Variants in ANK3 observed in about 807,000 individuals in gnomAD.
ANK3 encodes the protein ankyrin-3.
ANK3 carries 57 observed loss-of-function variants against 370.9 expected under a neutral mutation model. That is an observed-to-expected ratio of 0.15 (90% confidence interval 0.12 to 0.19). ANK3 has a LOEUF of 0.19. Ranked by LOEUF, ANK3 falls within the 10% of genes least tolerant of loss-of-function variation. The pLI is 1.00. For synonymous variants in ANK3, 1,929 were observed against 1,946.3 expected (o/e 0.99, Z 0.23); for missense variants, 4,439 against 5,302.1 (o/e 0.84, Z 5.06).
intron 2 of ANK3, among the ~76,000 whole-genome samples, chr10:60,472,437 T>C (rs2065241532): frequency 6.6e-6 from 1 of 152,196 alleles, no homozygotes; most frequent in African/African-American, 2.4e-5. Flanking sequence ...TTAGGAGAAT[T>C]CAGGGGCATC....
intron 2 of ANK3, among the ~76,000 whole-genome samples, chr10:60,417,726 C>G (rs2063697842): frequency 6.6e-6 from 1 of 152,016 alleles, no homozygotes; most frequent in Non-Finnish European, 1.5e-5. Flanking sequence ...CAATTAGGAC[C>G]AACAGAAATA....
intron 17 of ANK3, among the ~76,000 whole-genome samples, chr10:60,185,383 G>T (rs2096297793): frequency 6.6e-6 from 1 of 152,064 alleles, no homozygotes; most frequent in Non-Finnish European, 1.5e-5. Flanking sequence ...TTTTCTCAGT[G>T]TATCCTCAAA....
chr10:60,583,040 G>A (rs571739354), intron 2 of ANK3, among the ~76,000 whole-genome samples: 1 of 152,300 alleles, frequency 6.6e-6, no homozygotes, highest in South Asian at 2.1e-4. Flanking sequence ...AAATCAATAT[G>A]TTGAAGAGAT....
intron 1 of ANK3, among the ~76,000 whole-genome samples, chr10:60,355,918 G>A (rs1594392697): frequency 6.6e-6 from 1 of 152,176 alleles, no homozygotes; most frequent in Non-Finnish European, 1.5e-5. Flanking sequence ...TGCCAAAAAG[G>A]ACAGGGCAGA....
At chr10:60,269,236 T>C (rs189106372) in intron 5 of ANK3, among the ~76,000 whole-genome samples, 30 of 152,214 alleles carry the variant, frequency 2.0e-4, no homozygotes, top group Non-Finnish European at 2.8e-4. Context: ...ATAAACAACA[T>C]TACCTAAGAC....
At position 60,155,541 on chromosome 10, in the gene ANK3, G is replaced by A. The variant is rs74156421; in HGVS notation, c.2614+11050C>T. On this transcript the variant is annotated intron_variant, in intron 23 of 43. Coordinates refer to ENST00000280772, the MANE Select transcript of ANK3 (RefSeq NM_020987.5). ...CTTGGACAAGCTCTGGTGCTACCCT[G>A]GTCTTGGAGGTTGTGATAGTTAATA... Among the ~76,000 whole-genome samples, 891 of 152,268 alleles carry A rather than the reference G, an allele frequency of 5.9e-3. 11 individuals carry two copies. The highest frequency in any genetic ancestry group is 0.02 in the African/African-American group (832 of 41,556).
chr10:60,130,364 G>A (rs551396273), intron 25 of ANK3, among the ~76,000 whole-genome samples: 5 of 151,810 alleles, frequency 3.3e-5, no homozygotes, highest in African/African-American at 1.2e-4. Context: ...ATAATAAAGA[G>A]GCAACTGTAC....
rs750585326 is a variant in ANK3 at position 60,072,827 on chromosome 10, C to T, written c.8054G>A (p.Ser2685Asn). ...KMVLSQQTEDSKSTVEAKGSI... is the reference protein window; with the variant it reads ...KMVLSQQTEDNKSTVEAKGSI... Reference sequence around the variant, plus strand: ...TCCTTTGGCTTCCACTGTGGACTTGCTGTCCTCAGTCTGTTGGGAGAGAAC... The same window carrying T: ...TCCTTTGGCTTCCACTGTGGACTTGTTGTCCTCAGTCTGTTGGGAGAGAAC... The change falls in exon 37 of 44, where the codon AGC becomes AAC. Residue 2685 changes from serine (S) to asparagine (N), a missense_variant. Ser to Asn is a conservative substitution (Grantham distance 46, BLOSUM62 1). Coordinates refer to ENST00000280772, the MANE Select transcript of ANK3 (RefSeq NM_020987.5). The T allele has an allele frequency of 2.9e-5, 46 of 1,613,986 alleles. No individual in the cohort carries two copies. The Middle Eastern group carries it at 1.2e-3, about 40-fold the overall frequency.
At chr10:60,194,706 G>A (rs1322756587) in intron 16 of ANK3, among the ~76,000 whole-genome samples, 1 of 152,062 alleles carries the variant, frequency 6.6e-6, no homozygotes, top group East Asian at 1.9e-4. Context: ...TAATGCTGCT[G>A]TCTTTTTTTA....
In ANK3 at chr10:60,398,925, G is replaced by A. The variant is rs564685128; in HGVS notation, c.97-119286C>T. Reference sequence around the variant, plus strand: ...CTAGGGTGGGGAGAGGGCATAGGAAGTTCTGATGCTTTATATTTTATTTGT... The same window carrying A: ...CTAGGGTGGGGAGAGGGCATAGGAAATTCTGATGCTTTATATTTTATTTGT... On this transcript the variant is annotated intron_variant, in intron 2 of 43. Transcript: ENST00000373827. Among the ~76,000 whole-genome samples the A allele has an allele frequency of 2.0e-5, 3 of 152,264 alleles. No individual in the cohort carries two copies. In the East Asian group the frequency reaches 5.8e-4, roughly 29 times the overall value.
intron 2 of ANK3, among the ~76,000 whole-genome samples, chr10:60,486,162 G>A (rs76390761): frequency 7.0e-4 from 106 of 152,276 alleles, no homozygotes; most frequent in African/African-American, 2.4e-3. Flanking sequence ...GTACAAATAC[G>A]TGCAATGAGA....
chr10:60,207,935 C>T, intron 10 of ANK3, 101 bp downstream of exon 10: 1 of 1,019,752 alleles, frequency 9.8e-7, no homozygotes, highest in East Asian at 2.4e-5. Context: ...CTTTAACTAG[C>T]ACCTTCTATT....
intron 2 of ANK3, among the ~76,000 whole-genome samples, chr10:60,557,554 T>C (rs2077237153): frequency 6.6e-6 from 1 of 151,948 alleles, no homozygotes; most frequent in African/African-American, 2.4e-5. Flanking sequence ...AACCAAAGAG[T>C]GGTGATAGTT....
intron 21 of ANK3, 150 bp downstream of exon 21, chr10:60,172,158 T>G (rs2095809325): frequency 3.4e-6 from 2 of 590,476 alleles, no homozygotes; most frequent in Non-Finnish European, 6.1e-6. Flanking sequence ...ATAAGAGTTT[T>G]GCTATCCTGA....
chr10:60,643,672 G>A (rs2078668553), intron 1 of ANK3, among the ~76,000 whole-genome samples: 1 of 152,094 alleles, frequency 6.6e-6, no homozygotes. Flanking sequence ...CTGCCACAGT[G>A]ATGGGCATAT....
intron 2 of ANK3, among the ~76,000 whole-genome samples, chr10:60,499,792 A>G (rs1485043310): frequency 6.6e-6 from 1 of 152,150 alleles, no homozygotes; most frequent in African/African-American, 2.4e-5. Flanking sequence ...AAAATTTGAA[A>G]CGCACACATA....
chr10:60,332,516 C>A (rs1475897992), intron 1 of ANK3, among the ~76,000 whole-genome samples: 1 of 152,096 alleles, frequency 6.6e-6, no homozygotes. Context: ...CAGTTGCACC[C>A]CTTTGTAGTC....
intron 1 of ANK3, among the ~76,000 whole-genome samples, chr10:60,296,777 T>C (rs1439442642): frequency 6.6e-6 from 1 of 152,018 alleles, no homozygotes; most frequent in Non-Finnish European, 1.5e-5. Flanking sequence ...GAGTCTGAGA[T>C]CAGCTTGGGC....
At chr10:60,492,998 T>C (rs965405774) in intron 2 of ANK3, among the ~76,000 whole-genome samples, 39 of 147,794 alleles carry the variant, frequency 2.6e-4, no homozygotes, top group Non-Finnish European at 8.9e-5. Context: ...GTGAATGGTG[T>C]GAATCCAGGA....
Sources: allele counts gnomAD v4.1 joint callset (sites outside exome capture counted in the v4.1 genomes callset), GRCh38; gene constraint gnomAD v4.1.1; transcripts MANE v1.5; gene names NCBI Gene and HGNC (gene_info 2026-07-23, HGNC 2026-07-21).